Variants in SCN8A observed in about 807,000 individuals in gnomAD.
The protein encoded by SCN8A is sodium channel protein type 8 subunit alpha.
SCN8A carries 30 observed loss-of-function variants against 184.1 expected under a neutral mutation model. The ratio of observed to expected loss-of-function variants is 0.16; its 90% confidence interval spans 0.12 to 0.22. The LOEUF (loss-of-function observed/expected upper bound fraction) is 0.22. Among genes scored for constraint, SCN8A ranks in the 10% least tolerant of loss-of-function variants. SCN8A has a pLI of 1.00. For missense variants in SCN8A, 1,057 were observed against 2,498.9 expected (o/e 0.42, Z 12.30); for synonymous variants, 852 against 907.0 (o/e 0.94, Z 1.09).
intron 20 of SCN8A, 45 bp from the exon 21 acceptor site, chr12:51,780,604 T>TTTTTTTTTG: frequency 4.7e-6 from 2 of 429,594 alleles, no homozygotes; most frequent in South Asian, 5.4e-5. Flanking sequence ...TTTTTTTTTT[T>TTTTTTTTTG]GGTTACCTTT....
At chr12:51,763,343 G>A (rs570589874) in intron 15 of SCN8A, among the ~76,000 whole-genome samples, 1 of 152,110 alleles carries the variant, frequency 6.6e-6, no homozygotes, top group Non-Finnish European at 1.5e-5. Flanking sequence ...TATAAAATGG[G>A]CTTTGTGTTA....
In SCN8A at chr12:51,643,070, G is replaced by A. The variant is rs373941094; in HGVS notation, c.-54-19694G>A. The stretch of plus-strand genomic sequence containing the variant: ...CCCTATTGTTTAACCCAGTTTCACA[G>A]TAATCTTTTTTGGTCATTGAAGCAA... On this transcript the variant is annotated intron_variant, in intron 1 of 26. Transcript: ENST00000627620. Among the ~76,000 whole-genome samples, 14 of 152,276 alleles carry A rather than the reference G, an allele frequency of 9.2e-5. No individual in the cohort carries two copies. The South Asian group carries it at 1.7e-3, about 18-fold the overall frequency.
Position 51,687,145 on chromosome 12 carries a change from A to G in SCN8A, c.540A>G (p.Arg180=). 1 of 1,613,542 alleles carries G rather than the reference A, an allele frequency of 6.2e-7. No individual in the cohort carries two copies. The highest frequency in any genetic ancestry group is 1.7e-5 in the Admixed American group (1 of 59,996). The change falls in exon 5 of 27, where the codon AGA becomes AGG. Residue 180 remains arginine (R), a synonymous_variant. Transcript: ENST00000627620. Reference sequence around the variant, plus strand: ...AATCACTAGTGAAAATCATTGCAAGAGGTTTCTGCATAGATGGCTTTACCT... The same window carrying G: ...AATCACTAGTGAAAATCATTGCAAGGGGTTTCTGCATAGATGGCTTTACCT... ...TFESLVKIIA[R]GFCIDGFTFL... is the part of the protein sequence containing the mutation.
chr12:51,610,169 C>CAA (rs398019572), intron 1 of SCN8A, among the ~76,000 whole-genome samples: 826 of 54,502 alleles, frequency 0.015, 14 homozygotes, highest in East Asian at 0.044. Flanking sequence ...AACTCTGTCT[C>CAA]AAAAAAAAAA....
intron 12 of SCN8A, among the ~76,000 whole-genome samples, chr12:51,737,107 A>G (rs1003688836): frequency 6.6e-6 from 1 of 152,350 alleles, no homozygotes; most frequent in South Asian, 2.1e-4. Context: ...AAGTAAGACT[A>G]TTTATAAAAG....
At chr12:51,726,458 C>T (rs1942156672) in intron 12 of SCN8A, among the ~76,000 whole-genome samples, 1 of 152,160 alleles carries the variant, frequency 6.6e-6, no homozygotes, top group Non-Finnish European at 1.5e-5. Context: ...CAAGATGGCA[C>T]AGTAAGCAGT....
At chr12:51,797,526 A>G (rs149707266) in intron 26 of SCN8A, among the ~76,000 whole-genome samples, 149 of 152,250 alleles carry the variant, frequency 9.8e-4, no homozygotes, top group South Asian at 1.9e-3. Flanking sequence ...AGCAAGCACC[A>G]CGGCTGGTTG....
chr12:51,787,015 A>C (rs1938105704), intron 22 of SCN8A, among the ~76,000 whole-genome samples, 189 bp downstream of exon 22: 1 of 152,182 alleles, frequency 6.6e-6, no homozygotes, highest in African/African-American at 2.4e-5. Context: ...GACTTCTACA[A>C]GATCTCACTC....
chr12:51,685,400 C>T (rs752178930), intron 3 of SCN8A, among the ~76,000 whole-genome samples: 1 of 152,108 alleles, frequency 6.6e-6, no homozygotes, highest in South Asian at 2.1e-4. Flanking sequence ...GGATATGGCT[C>T]CCAGGCTCTA....
Position 51,765,758 on chromosome 12 carries a change from C to T in SCN8A, c.2632C>T (p.Leu878=), listed in dbSNP as rs372582842. 487 of 1,613,870 alleles carry T rather than the reference C, an allele frequency of 3.0e-4. 2 individuals carry two copies. The African/African-American group carries it at 5.7e-3, about 19-fold the overall frequency. Residue 878 remains leucine (L), a synonymous_variant, in exon 16 of 27, where the codon CTG becomes TTG. Coordinates refer to ENST00000627620, the MANE Select transcript of SCN8A (RefSeq NM_001330260.2). ...IGNSVGALGN[L]TLVLAIIVFI... is the part of the protein sequence containing the mutation. Reference sequence around the variant, plus strand: ...AAATTCAGTGGGTGCCCTGGGCAACCTGACACTGGTGCTGGCCATTATTGT... The same window carrying T: ...AAATTCAGTGGGTGCCCTGGGCAACTTGACACTGGTGCTGGCCATTATTGT...
At chr12:51,766,327 C>T in intron 16 of SCN8A, 1 of 433,964 alleles carries the variant, frequency 2.3e-6, no homozygotes, top group South Asian at 2.6e-5. Context: ...TGAACCTAGA[C>T]TTTAAAGTCT....
chr12:51,629,835 G>A (rs1940160909), intron 1 of SCN8A, among the ~76,000 whole-genome samples: 2 of 152,116 alleles, frequency 1.3e-5, no homozygotes, highest in South Asian at 2.1e-4. Flanking sequence ...ACTACTGTGA[G>A]GGAGAAGAGG....
intron 1 of SCN8A, among the ~76,000 whole-genome samples, chr12:51,622,139 A>G (rs1216608869): frequency 6.6e-6 from 1 of 152,252 alleles, no homozygotes; most frequent in East Asian, 1.9e-4. Context: ...TTAAACCAGC[A>G]TTAGATTTTT....
At position 51,810,474 on chromosome 12, in the gene SCN8A, T is replaced by G. The variant is rs761891589; in HGVS notation, c.*3045T>G. 4.5e-6 allele frequency: 2 copies of G among 443,868 alleles called. No homozygotes were observed. Among genetic ancestry groups the G allele is most frequent in the South Asian group, 3.2e-5 (2 of 62,568 alleles). The allele number at this position is 443,868 out of a possible 1,614,324, so 27.5% of individuals were successfully genotyped here. A position where few individuals can be genotyped will look rare whatever the true frequency, so the allele number is the denominator to read the frequency against. ...GGGTAAGTGGCAATGCTTTGCCAAA[T>G]ATTAACGAAGCCAATCAAAGAGCAG... On this transcript the variant is annotated 3_prime_UTR_variant, in exon 27 of 27. Transcript: ENST00000627620.
intron 12 of SCN8A, among the ~76,000 whole-genome samples, chr12:51,734,539 G>A (rs1009997922): frequency 1.4e-4 from 22 of 152,352 alleles, no homozygotes; most frequent in African/African-American, 3.1e-4. Flanking sequence ...GCCTTTAAGC[G>A]GTTTTCCACC....
intron 2 of SCN8A, among the ~76,000 whole-genome samples, chr12:51,676,063 G>T (rs1469533291): frequency 6.6e-6 from 1 of 152,146 alleles, no homozygotes; most frequent in Non-Finnish European, 1.5e-5. Flanking sequence ...TCCATTCTCA[G>T]TATCGTGTAA....
chr12:51,658,505 C>T (rs886841067), intron 1 of SCN8A, among the ~76,000 whole-genome samples: 6 of 152,060 alleles, frequency 3.9e-5, no homozygotes, highest in African/African-American at 1.4e-4. Flanking sequence ...AGTACTGATA[C>T]ATGCTACATT....
chr12:51,715,257 G>C (rs545892593), intron 11 of SCN8A, among the ~76,000 whole-genome samples: 1 of 152,052 alleles, frequency 6.6e-6, no homozygotes, highest in Non-Finnish European at 1.5e-5. Flanking sequence ...TGATTTTTAA[G>C]TGTTCATAGG....
At chr12:51,770,323 T>A in intron 18 of SCN8A, 1 of 610,590 alleles carries the variant, frequency 1.6e-6, no homozygotes, top group South Asian at 2.3e-5. Flanking sequence ...TCTTCTTGAC[T>A]CCTGAGGGCC....
Sources: allele counts gnomAD v4.1 joint callset (sites outside exome capture counted in the v4.1 genomes callset), GRCh38; gene constraint gnomAD v4.1.1; transcripts MANE v1.5; gene names NCBI Gene and HGNC (gene_info 2026-07-23, HGNC 2026-07-21).